NFIL3: variants seen among roughly 807,000 people sequenced by gnomAD.
The protein encoded by NFIL3 is nuclear factor, interleukin 3 regulated.
A neutral mutation model predicts 10.0 loss-of-function variants in NFIL3; 5 were observed. That is an observed-to-expected ratio of 0.50 (90% CI 0.26 to 1.06). The LOEUF (loss-of-function observed/expected upper bound fraction) is 1.06. NFIL3 is among the 50% of genes least tolerant of loss of function. The probability of loss-of-function intolerance (pLI) is 0.13; values close to 1 mark genes in which losing one functional copy is unlikely to be tolerated. For synonymous variants in NFIL3, 202 were observed against 206.5 expected (o/e 0.98, Z 0.19); for missense variants, 436 against 547.6 (o/e 0.80, Z 2.03).
At chr9:91,419,809 T>C (rs989106031) in intron 1 of NFIL3, among the ~76,000 whole-genome samples, 2 of 152,238 alleles carry the variant, frequency 1.3e-5, no homozygotes, top group African/African-American at 4.8e-5. Context: ...TCGTGACTCT[T>C]ACTGAAGCCC....
At chr9:91,468,308 T>C in the NFIL3 span, among the ~76,000 whole-genome samples, 1 of 152,266 alleles carries the variant, frequency 6.6e-6, no homozygotes, top group African/African-American at 2.4e-5. Context: ...CATTTTTTCA[T>C]GCGTCTTTTG....
chr9:91,422,393 G>T (rs975166029), intron 1 of NFIL3, among the ~76,000 whole-genome samples: 2 of 151,916 alleles, frequency 1.3e-5, no homozygotes, highest in African/African-American at 4.8e-5. Flanking sequence ...TAGGGCAAAA[G>T]ACACACATTC....
chr9:91,448,631 A>G, the NFIL3 span, among the ~76,000 whole-genome samples: 6 of 152,146 alleles, frequency 3.9e-5, no homozygotes, highest in East Asian at 5.8e-4. Flanking sequence ...TTTCAAACCA[A>G]TTACTAAGGC....
At chr9:91,467,392 C>T in the NFIL3 span, among the ~76,000 whole-genome samples, 17,111 of 151,928 alleles carry the variant, frequency 0.11, 2,111 homozygotes, top group African/African-American at 0.31. Context: ...TAAATGATAT[C>T]ACATTTTTGA....
chr9:91,469,945 G>C, the NFIL3 span, among the ~76,000 whole-genome samples: 1 of 152,148 alleles, frequency 6.6e-6, no homozygotes, highest in Non-Finnish European at 1.5e-5. Flanking sequence ...GTATTTTATT[G>C]AGGATTTTCA....
At chr9:91,411,420 G>A (rs928690978) in intron 1 of NFIL3, among the ~76,000 whole-genome samples, 5 of 152,132 alleles carry the variant, frequency 3.3e-5, no homozygotes, top group African/African-American at 9.7e-5. Context: ...AAAAAGTTCT[G>A]CACTCCTATA....
chr9:91,439,217 A>T, the NFIL3 span, among the ~76,000 whole-genome samples: 1 of 152,102 alleles, frequency 6.6e-6, no homozygotes, highest in African/African-American at 2.4e-5. Flanking sequence ...TAGTGTCTAG[A>T]TCTTTTACCT....
chr9:91,462,704 C>T, the NFIL3 span, among the ~76,000 whole-genome samples: 1 of 150,976 alleles, frequency 6.6e-6, no homozygotes, highest in Non-Finnish European at 1.5e-5. Context: ...TAATGCTGGC[C>T]TCATTGTATA....
the NFIL3 span, among the ~76,000 whole-genome samples, chr9:91,459,333 G>A: frequency 6.6e-6 from 1 of 152,136 alleles, no homozygotes; most frequent in Non-Finnish European, 1.5e-5. Flanking sequence ...TACACAAAAG[G>A]CAGTTTTTAT....
chr9:91,433,217 G>A, the NFIL3 span, among the ~76,000 whole-genome samples: 242 of 152,282 alleles, frequency 1.6e-3, no homozygotes, highest in African/African-American at 5.5e-3. Flanking sequence ...AAATTTTCCT[G>A]CATATGGGAA....
intron 1 of NFIL3, among the ~76,000 whole-genome samples, chr9:91,417,582 A>G (rs1308944311): frequency 6.6e-6 from 1 of 152,240 alleles, no homozygotes; most frequent in Non-Finnish European, 1.5e-5. Flanking sequence ...ATAAGAAAAG[A>G]ATTCACTATA....
the NFIL3 span, among the ~76,000 whole-genome samples, chr9:91,449,137 A>G: frequency 6.6e-6 from 1 of 152,172 alleles, no homozygotes; most frequent in East Asian, 1.9e-4. Flanking sequence ...GGAATTTTCT[A>G]TAAGTAAGAC....
the NFIL3 span, among the ~76,000 whole-genome samples, chr9:91,456,255 T>C: frequency 1.3e-5 from 2 of 152,318 alleles, no homozygotes; most frequent in South Asian, 2.1e-4. Context: ...AGTCGAATGA[T>C]TGGATCAGTC....
chr9:91,424,027 G>A (rs1449026453), upstream of NFIL3, among the ~76,000 whole-genome samples: 1 of 147,274 alleles, frequency 6.8e-6, no homozygotes, highest in Non-Finnish European at 1.5e-5. Context: ...CCGCGGCGGC[G>A]CCACTACCAG....
At chr9:91,450,552 T>G in the NFIL3 span, among the ~76,000 whole-genome samples, 1 of 152,214 alleles carries the variant, frequency 6.6e-6, no homozygotes, top group Non-Finnish European at 1.5e-5. Flanking sequence ...CATTCTATTA[T>G]AGTTGGAGAA....
the NFIL3 span, among the ~76,000 whole-genome samples, chr9:91,471,168 G>T: frequency 2.6e-5 from 4 of 152,002 alleles, no homozygotes; most frequent in Non-Finnish European, 5.9e-5. Context: ...TCTCTTTGTC[G>T]GTCTCTAAGG....
At chr9:91,433,630 G>A in the NFIL3 span, among the ~76,000 whole-genome samples, 135 of 152,268 alleles carry the variant, frequency 8.9e-4, no homozygotes, top group African/African-American at 2.5e-3. Flanking sequence ...TGAGGGAAGC[G>A]TCAATATCAG....
At chr9:91,432,664 T>G in the NFIL3 span, among the ~76,000 whole-genome samples, 3 of 34,860 alleles carry the variant, frequency 8.6e-5, no homozygotes, top group East Asian at 7.1e-4. Flanking sequence ...GTTGTTTAGG[T>G]TTTTTTTTGC....
the NFIL3 span, among the ~76,000 whole-genome samples, chr9:91,450,170 T>C: frequency 6.6e-6 from 1 of 152,166 alleles, no homozygotes; most frequent in Non-Finnish European, 1.5e-5. Context: ...GTTAATTCAC[T>C]TTCTTTATTG....
Sources: gnomAD v4.1 joint callset for allele counts (sites outside exome capture counted in the v4.1 genomes callset) on GRCh38, gnomAD v4.1.1 for gene constraint, MANE v1.5 for transcripts, NCBI Gene and HGNC (gene_info 2026-07-23, HGNC 2026-07-21) for gene names.